Variants in RBPMS observed in about 807,000 individuals in gnomAD.
RBPMS encodes RNA binding protein, mRNA processing factor.
A neutral mutation model predicts 26.8 loss-of-function variants in RBPMS; 7 were observed. The observed-to-expected ratio is 0.26, with a 90% confidence interval of 0.15 to 0.49. RBPMS has a LOEUF of 0.49. Among genes scored for constraint, RBPMS ranks in the 20% least tolerant of loss-of-function variants. RBPMS has a pLI of 0.98. For missense variants in RBPMS, 186 were observed against 250.0 expected (o/e 0.74, Z 1.73); for synonymous variants, 96 against 93.3 (o/e 1.03, Z -0.17).
At chr8:30,533,656 A>G (rs1001405844) in intron 5 of RBPMS, among the ~76,000 whole-genome samples, 2 of 152,188 alleles carry the variant, frequency 1.3e-5, no homozygotes, top group African/African-American at 4.8e-5. Flanking sequence ...CTTCATATCC[A>G]TTGCCATTGT....
chr8:30,444,358 C>T (rs914184684), intron 1 of RBPMS, among the ~76,000 whole-genome samples: 12 of 152,212 alleles, frequency 7.9e-5, no homozygotes, highest in Non-Finnish European at 1.6e-4. Flanking sequence ...TTTTACATCA[C>T]TTCAGATCAG....
At chr8:30,511,697 G>A (rs570411278) in intron 5 of RBPMS, among the ~76,000 whole-genome samples, 74 of 150,428 alleles carry the variant, frequency 4.9e-4, no homozygotes, top group African/African-American at 1.7e-3. Flanking sequence ...GATGGTGTGC[G>A]CCTGTAATCC....
chr8:30,549,804 T>C (rs1430906754), intron 6 of RBPMS, among the ~76,000 whole-genome samples: 3,209 of 102,436 alleles, frequency 0.031, 90 homozygotes, highest in East Asian at 0.092. Context: ...CTCCCCTCTC[T>C]CCTCTCTCTC....
chr8:30,481,281 GTTTGTT>G (rs1274292101), intron 4 of RBPMS, among the ~76,000 whole-genome samples: 2 of 151,870 alleles, frequency 1.3e-5, no homozygotes, highest in African/African-American at 2.4e-5. Flanking sequence ...TTTTTTGCTT[GTTTGTT>G]TTTGTTTTTG....
At chr8:30,472,837 A>G (rs1817280451) in intron 1 of RBPMS, among the ~76,000 whole-genome samples, 1 of 152,158 alleles carries the variant, frequency 6.6e-6, no homozygotes, top group Admixed American at 6.5e-5. Context: ...GCACTGTGGG[A>G]GGCCGAGATG....
chr8:30,454,087 A>G (rs1009477060), intron 1 of RBPMS, among the ~76,000 whole-genome samples: 11 of 152,136 alleles, frequency 7.2e-5, no homozygotes, highest in Non-Finnish European at 1.5e-4. Context: ...TTCTGATTAT[A>G]TTTTTTTGAA....
At chr8:30,478,649 G>A (rs1485405732) in intron 3 of RBPMS, among the ~76,000 whole-genome samples, 1 of 152,154 alleles carries the variant, frequency 6.6e-6, no homozygotes, top group African/African-American at 2.4e-5. Context: ...ACAGGCGCAT[G>A]CCACCACGCC....
At chr8:30,389,614 G>A (rs764717030) in intron 1 of RBPMS, among the ~76,000 whole-genome samples, 8 of 152,044 alleles carry the variant, frequency 5.3e-5, no homozygotes, top group Non-Finnish European at 7.4e-5. Flanking sequence ...TAAGAAAACG[G>A]TATCATAAAG....
chr8:30,484,239 A>G (rs1173077354), intron 4 of RBPMS, among the ~76,000 whole-genome samples: 1 of 152,254 alleles, frequency 6.6e-6, no homozygotes, highest in Non-Finnish European at 1.5e-5. Context: ...TCTAGTAGAT[A>G]CGAAGCAATC....
chr8:30,414,218 T>C (rs1174680553), intron 1 of RBPMS, among the ~76,000 whole-genome samples: 1 of 152,154 alleles, frequency 6.6e-6, no homozygotes, highest in Non-Finnish European at 1.5e-5. Context: ...TACACTTCTT[T>C]TCGCCAGGGC....
chr8:30,536,784 C>T (rs74327338), intron 5 of RBPMS, among the ~76,000 whole-genome samples: 1,572 of 152,132 alleles, frequency 0.01, 17 homozygotes, highest in African/African-American at 0.032. Context: ...TCCTTTGTGG[C>T]GGGCACAGTA....
At chr8:30,569,920 A>C (rs1281268474) in intron 8 of RBPMS, among the ~76,000 whole-genome samples, 1 of 152,238 alleles carries the variant, frequency 6.6e-6, no homozygotes, top group Non-Finnish European at 1.5e-5. Flanking sequence ...CGCCCGTCAC[A>C]GAGAAGGTCC....
At chr8:30,544,228 A>G (rs1825676912) in intron 5 of RBPMS, among the ~76,000 whole-genome samples, 1 of 148,776 alleles carries the variant, frequency 6.7e-6, no homozygotes, top group Admixed American at 6.6e-5. Flanking sequence ...TCGGAAAGAC[A>G]TCAGAGTGTT....
rs1287151251 is a variant in RBPMS, at chr8:30,571,409, C to T, written c.*884C>T. The T allele has an allele frequency of 6.6e-6, 1 of 152,330 alleles. No homozygotes were observed. The highest frequency in any genetic ancestry group is 2.4e-5 in the African/African-American group (1 of 41,472). 9.4% of individuals were successfully genotyped at this position (152,330 alleles called of 1,614,324 possible). On this transcript the variant is annotated 3_prime_UTR_variant, in exon 9 of 9. Coordinates refer to ENST00000397323, the MANE Select transcript of RBPMS (RefSeq NM_001008710.3). ...CCTAACCTACCTTCCACAAGCCAGC[C>T]CCGCATCCCTGCTCCCGCAGTGTAA...
At chr8:30,411,681 A>AAAAAAAAAAG (rs1554507355) in intron 1 of RBPMS, among the ~76,000 whole-genome samples, 8 of 127,956 alleles carry the variant, frequency 6.3e-5, no homozygotes, top group Non-Finnish European at 8.0e-5. Flanking sequence ...AAAAAAAAAA[A>AAAAAAAAAAG]AAAGAAAAAG....
At chr8:30,549,269 T>C (rs534697732) in intron 6 of RBPMS, among the ~76,000 whole-genome samples, 17 of 152,136 alleles carry the variant, frequency 1.1e-4, no homozygotes, top group Non-Finnish European at 2.5e-4. Flanking sequence ...GAATCTCAGG[T>C]CACTTTAGCA....
intron 8 of RBPMS, among the ~76,000 whole-genome samples, chr8:30,568,297 G>C (rs1207739211): frequency 1.3e-5 from 2 of 152,138 alleles, no homozygotes; most frequent in African/African-American, 4.8e-5. Flanking sequence ...GAATCCTCAG[G>C]AATTAGGTCA....
At chr8:30,509,615 C>T (rs1442493810) in intron 5 of RBPMS, among the ~76,000 whole-genome samples, 1 of 152,176 alleles carries the variant, frequency 6.6e-6, no homozygotes, top group East Asian at 1.9e-4. Context: ...GCCCTGGTGC[C>T]TGCATTTTTT....
intron 8 of RBPMS, among the ~76,000 whole-genome samples, chr8:30,568,884 C>G (rs1401359257): frequency 6.6e-6 from 1 of 151,988 alleles, no homozygotes; most frequent in African/African-American, 2.4e-5. Context: ...TGACTACATT[C>G]CTTTCCCATG....
Sources: gnomAD v4.1 joint callset for allele counts (sites outside exome capture counted in the v4.1 genomes callset) on GRCh38, gnomAD v4.1.1 for gene constraint, MANE v1.5 for transcripts, NCBI Gene and HGNC (gene_info 2026-07-23, HGNC 2026-07-21) for gene names.